KRT8: variants seen among roughly 807,000 people sequenced by gnomAD.
The protein encoded by KRT8 is keratin, type II cytoskeletal 8.
In KRT8, 24 loss-of-function variants were observed where a neutral mutation model predicts 43.0. That is an observed-to-expected ratio of 0.56 (90% CI 0.40 to 0.78). KRT8 has a LOEUF of 0.78. Among genes scored for constraint, KRT8 ranks in the 30% least tolerant of loss-of-function variants. KRT8 has a pLI of 0.00. For missense variants in KRT8, 492 were observed against 638.4 expected (o/e 0.77, Z 2.47); for synonymous variants, 214 against 261.2 (o/e 0.82, Z 1.74).
chr12:52,926,333 C>T, intron 2 of KRT8: 2 of 465,314 alleles, frequency 4.3e-6, no homozygotes, highest in Non-Finnish European at 4.2e-6. Context: ...GCACTAGCTG[C>T]CCTCCCCACC....
At chr12:52,926,339 C>CCCCCCCCCCCCCCCG in intron 2 of KRT8, 1 of 781,004 alleles carries the variant, frequency 1.3e-6, no homozygotes, top group Non-Finnish European at 2.1e-6. Flanking sequence ...GCTGCCCTCC[C>CCCCCCCCCCCCCCCG]CACCCCACCC....
In KRT8 at chr12:52,897,517, TGCGGCTGAAGGAGCTGGAGCCC is replaced by T. The variant is rs1202310087; in HGVS notation, c.1341_1362del (p.Gly448ProfsTer9). The T allele has an allele frequency of 1.3e-6, 2 of 1,598,672 alleles. No homozygotes were observed. Among genetic ancestry groups the T allele is most frequent in the East Asian group, 4.5e-5 (2 of 44,886 alleles). On this transcript the variant is annotated frameshift_variant, in exon 8 of 8. Coordinates refer to ENST00000692008, the Ensembl canonical transcript of KRT8. LOFTEE classifies it high-confidence loss of function. Reference sequence around the variant, plus strand: ...ACAACCACGGCCCTGGAGGAGCTGGTGCGGCTGAAGGAGCTGGAGCCCGCGCCAGAGCCAAAGCTGGAGCCCA... The same window carrying T: ...ACAACCACGGCCCTGGAGGAGCTGGTGCGCCAGAGCCAAAGCTGGAGCCCA...
chr12:52,938,170 A>ATTTTTTT (rs780140219), intron 2 of KRT8, among the ~76,000 whole-genome samples: 6 of 30,304 alleles, frequency 2.0e-4, no homozygotes, highest in African/African-American at 2.9e-4. Flanking sequence ...ATATATATAT[A>ATTTTTTT]TTTTTTTTTT....
intron 1 of KRT8, among the ~76,000 whole-genome samples, chr12:52,902,744 G>A (rs188897394): frequency 6.6e-6 from 1 of 151,948 alleles, no homozygotes; most frequent in East Asian, 2.0e-4. Flanking sequence ...GGGCGTGGAG[G>A]CTCACGCTTG....
chr12:52,926,298 G>T, intron 2 of KRT8: 2 of 879,622 alleles, frequency 2.3e-6, no homozygotes, highest in South Asian at 1.6e-5. Context: ...TCATCTGGTG[G>T]CTGAGGCTTA....
intron 3 of KRT8, 136 bp from the exon 4 acceptor site, chr12:52,900,819 C>T (rs1400611471): frequency 1.4e-6 from 1 of 697,618 alleles, no homozygotes; most frequent in Non-Finnish European, 2.6e-6. Context: ...TCCAGCCCAG[C>T]CTCTGCCCAT....
At chr12:52,904,969 C>T in exon 1 of KRT8, 30 of 1,610,026 alleles carry the variant, frequency 1.9e-5, no homozygotes, top group Non-Finnish European at 2.5e-5. Context: ...TTCTGGGTCA[C>T]CCTGATGGAC....
chr12:52,926,522 C>A, intron 2 of KRT8: 1 of 1,447,274 alleles, frequency 6.9e-7, no homozygotes, highest in Non-Finnish European at 9.4e-7. Context: ...TCACCTCTGC[C>A]GGAAGTGGCC....
chr12:52,921,563 C>T (rs1941886492), intron 2 of KRT8, among the ~76,000 whole-genome samples: 1 of 152,086 alleles, frequency 6.6e-6, no homozygotes, highest in South Asian at 2.1e-4. Context: ...ATGCAGTGCA[C>T]AGGCCCAGGG....
intron 2 of KRT8, among the ~76,000 whole-genome samples, chr12:52,937,094 G>A (rs183843411): frequency 2.0e-5 from 3 of 152,290 alleles, no homozygotes; most frequent in African/African-American, 7.2e-5. Context: ...ATACAGGCCG[G>A]GCATGGTGGC....
chr12:52,936,307 T>C (rs541964644), intron 2 of KRT8, among the ~76,000 whole-genome samples: 13 of 152,076 alleles, frequency 8.5e-5, no homozygotes, highest in African/African-American at 3.1e-4. Context: ...GACCTTGAGA[T>C]AGGCAAAGAT....
intron 2 of KRT8, among the ~76,000 whole-genome samples, chr12:52,935,403 A>G (rs2120711163): frequency 7.0e-6 from 1 of 143,682 alleles, no homozygotes; most frequent in African/African-American, 2.6e-5. Flanking sequence ...AAAAAAAAAA[A>G]AAAAAAAGGC....
At chr12:52,930,217 AT>A (rs35917845) in intron 2 of KRT8, among the ~76,000 whole-genome samples, 111,772 of 146,410 alleles carry the variant, frequency 0.76, 42,761 homozygotes, top group African/African-American at 0.88. Context: ...CAATTCTATC[AT>A]TTTTTTTTTT....
upstream of KRT8, chr12:52,905,144 G>A: frequency 3.7e-6 from 5 of 1,356,442 alleles, no homozygotes; most frequent in Non-Finnish European, 4.9e-6. Context: ...GAGTGGCTAG[G>A]CCCAGAGGGG....
exon 1 of KRT8, chr12:52,904,763 C>T (rs1036555640): frequency 6.2e-7 from 1 of 1,612,418 alleles, no homozygotes; most frequent in African/African-American, 1.3e-5. Context: ...CAAGGGGGCT[C>T]AGCAGGCTCT....
Position 52,900,687 on chromosome 12 carries a change from G to A in KRT8, c.595-4C>T, listed in dbSNP as rs1460657803. ...TCATGTAAGCTTCATCCACATCCTG[G>A]GGGATGAGGAGAGGGGAGCCTGAGC... On this transcript the variant is annotated splice_polypyrimidine_tract_variant and splice_region_variant and intron_variant, in intron 3 of 7. Coordinates refer to ENST00000692008, the Ensembl canonical transcript of KRT8. 6.2e-7 allele frequency: 1 copy of A among 1,603,888 alleles called. No individual in the cohort carries two copies. Among genetic ancestry groups the A allele is most frequent in the Non-Finnish European group, 8.5e-7 (1 of 1,172,614 alleles).
intron 2 of KRT8, among the ~76,000 whole-genome samples, chr12:52,913,123 G>T (rs531072771): frequency 6.6e-6 from 1 of 152,316 alleles, no homozygotes; most frequent in Non-Finnish European, 1.5e-5. Context: ...CTCAGCCGAG[G>T]TTAATCACCC....
chr12:52,937,687 C>CAAA (rs1200365036), intron 2 of KRT8, among the ~76,000 whole-genome samples: 2 of 90,126 alleles, frequency 2.2e-5, no homozygotes, highest in South Asian at 3.5e-4. Context: ...AACTCTGTCT[C>CAAA]AAAAAAAAAA....
intron 2 of KRT8, among the ~76,000 whole-genome samples, chr12:52,938,170 A>ATATATATATATATATATATATAT (rs1555189967): frequency 6.6e-5 from 2 of 30,316 alleles, no homozygotes; most frequent in African/African-American, 1.4e-4. Context: ...ATATATATAT[A>ATATATATATATATATATATATAT]TTTTTTTTTT....
Sources: gnomAD v4.1 joint callset for allele counts (sites outside exome capture counted in the v4.1 genomes callset) on GRCh38, gnomAD v4.1.1 for gene constraint, MANE v1.5 for transcripts, NCBI Gene and HGNC (gene_info 2026-07-23, HGNC 2026-07-21) for gene names.